The following GABPB1 variants were observed in gnomAD, a reference collection of about 807,000 sequenced individuals.
GABPB1 encodes GA-binding protein subunit beta-1.
A neutral mutation model predicts 45.9 loss-of-function variants in GABPB1; 15 were observed. The observed-to-expected ratio is 0.33, with a 90% CI of 0.22 to 0.50. The LOEUF (loss-of-function observed/expected upper bound fraction) is 0.50. Ranked by LOEUF, GABPB1 falls within the 20% of genes least tolerant of loss-of-function variation. The pLI, the probability that GABPB1 is intolerant of heterozygous loss-of-function variation, is 0.98. For missense variants in GABPB1, 252 were observed against 457.5 expected (o/e 0.55, Z 4.10); for synonymous variants, 143 against 154.4 (o/e 0.93, Z 0.55).
intron 8 of GABPB1, among the ~76,000 whole-genome samples, chr15:50,282,826 G>A (rs956077011): frequency 1.3e-5 from 2 of 152,084 alleles, no homozygotes; most frequent in East Asian, 1.9e-4. Flanking sequence ...GGGCTGAAGC[G>A]GATGGATCAC....
At chr15:50,317,404 C>CA (rs1387965964) in intron 1 of GABPB1, among the ~76,000 whole-genome samples, 2,674 of 64,992 alleles carry the variant, frequency 0.041, 86 homozygotes, top group African/African-American at 0.12. Context: ...AACTCCGTCT[C>CA]AAAAAAAAAA....
At chr15:50,306,034 G>C (rs1293661618) in intron 2 of GABPB1, among the ~76,000 whole-genome samples, 1 of 151,950 alleles carries the variant, frequency 6.6e-6, no homozygotes, top group Non-Finnish European at 1.5e-5. Flanking sequence ...GAATGCAGTG[G>C]AGCTATCGTA....
At chr15:50,278,830 A>G (rs763095596) in intron 8 of GABPB1, 46 bp from the exon 9 acceptor site, 28 of 1,482,818 alleles carry the variant, frequency 1.9e-5, no homozygotes, top group South Asian at 2.5e-5. Context: ...GCAAAAATAC[A>G]TTATTAATAC....
intron 7 of GABPB1, among the ~76,000 whole-genome samples, chr15:50,289,131 G>A (rs1347474313): frequency 1.3e-5 from 2 of 152,144 alleles, no homozygotes; most frequent in Non-Finnish European, 2.9e-5. Context: ...GGAAACTACT[G>A]TCCAATGCTG....
intron 1 of GABPB1, among the ~76,000 whole-genome samples, chr15:50,325,957 G>C (rs1420957294): frequency 3.3e-5 from 5 of 150,582 alleles, no homozygotes; most frequent in African/African-American, 4.9e-5. Flanking sequence ...GCCCAGGCTG[G>C]AGTGCAATGG....
At chr15:50,354,120 G>A (rs997138413) in intron 1 of GABPB1, 9 of 302,810 alleles carry the variant, frequency 3.0e-5, no homozygotes, top group African/African-American at 2.1e-4. Flanking sequence ...TTGAGGCTAG[G>A]CACGCTGATT....
At chr15:50,282,505 G>A (rs1039232353) in intron 8 of GABPB1, 3 of 249,030 alleles carry the variant, frequency 1.2e-5, no homozygotes, top group African/African-American at 7.7e-5. Flanking sequence ...AGTGAGCCAT[G>A]ATTGCACCAC....
chr15:50,341,331 G>A (rs1000966528), intron 1 of GABPB1, among the ~76,000 whole-genome samples: 2 of 151,994 alleles, frequency 1.3e-5, no homozygotes, highest in African/African-American at 4.8e-5. Context: ...GTCGGAGTTC[G>A]AGACGAGCCT....
At chr15:50,288,536 A>T (rs2140983569) in intron 7 of GABPB1, among the ~76,000 whole-genome samples, 1 of 152,238 alleles carries the variant, frequency 6.6e-6, no homozygotes, top group South Asian at 2.1e-4. Context: ...CTTCTGAGAG[A>T]GCATGTTTAT....
intron 6 of GABPB1, among the ~76,000 whole-genome samples, chr15:50,295,987 G>A (rs1369003154): frequency 2.6e-5 from 4 of 152,154 alleles, no homozygotes; most frequent in African/African-American, 9.7e-5. Context: ...TGTGGTATAT[G>A]TCAAAAATGG....
chr15:50,326,155 C>T (rs1416282618), intron 1 of GABPB1, among the ~76,000 whole-genome samples: 1 of 151,956 alleles, frequency 6.6e-6, no homozygotes, highest in African/African-American at 2.4e-5. Flanking sequence ...GATCCACCCA[C>T]CTCGGCCTCC....
chr15:50,323,035 A>T (rs1386692798), intron 1 of GABPB1, among the ~76,000 whole-genome samples: 1 of 152,182 alleles, frequency 6.6e-6, no homozygotes, highest in Admixed American at 6.5e-5. Context: ...GTCTCCAAAA[A>T]TAATCATAAT....
At chr15:50,301,170 T>C (rs767029478) in intron 5 of GABPB1, 87 bp downstream of exon 5, 1 of 1,533,316 alleles carries the variant, frequency 6.5e-7, no homozygotes, top group Non-Finnish European at 8.9e-7. Flanking sequence ...CAAGGATGAA[T>C]ACCTACTAAA....
chr15:50,288,455 G>A (rs990926963), intron 7 of GABPB1, among the ~76,000 whole-genome samples: 4 of 152,170 alleles, frequency 2.6e-5, no homozygotes, highest in African/African-American at 9.6e-5. Context: ...GCTTCTCTCT[G>A]CCTCAGTATT....
At chr15:50,319,571 C>T (rs1425842457) in intron 1 of GABPB1, among the ~76,000 whole-genome samples, 1 of 152,216 alleles carries the variant, frequency 6.6e-6, no homozygotes, top group Non-Finnish European at 1.5e-5. Context: ...GGCACAGTGG[C>T]TCATGCCTAT....
chr15:50,340,282 GTT>G, intron 1 of GABPB1, among the ~76,000 whole-genome samples: 1 of 152,098 alleles, frequency 6.6e-6, no homozygotes, highest in Non-Finnish European at 1.5e-5. Flanking sequence ...TAAGTCACTA[GTT>G]TATATTTTGT....
intron 8 of GABPB1, among the ~76,000 whole-genome samples, chr15:50,279,871 G>A (rs1005224894): frequency 2.0e-5 from 3 of 152,134 alleles, no homozygotes; most frequent in African/African-American, 7.2e-5. Flanking sequence ...CACTGGGGAG[G>A]CACAGTATGA....
chr15:50,352,763 G>C (rs960958338), intron 1 of GABPB1: 1 of 152,204 alleles, frequency 6.6e-6, no homozygotes, highest in African/African-American at 2.4e-5. Context: ...GAACAGTAGA[G>C]AACTATAGAC....
At position 50,276,200 on chromosome 15, in the gene GABPB1, T is replaced by C. The variant is rs564633239; in HGVS notation, c.*2432A>G. On this transcript the variant is annotated 3_prime_UTR_variant, in exon 9 of 9. Coordinates refer to ENST00000380877, the MANE Select transcript of GABPB1 (RefSeq NM_016654.5). The stretch of plus-strand genomic sequence containing the variant: ...CATCACTATGTAGTGGAAACAATTA[T>C]GTGGATTTCTGAAAACTTTTATTTC... 3 of 152,360 alleles carry C rather than the reference T, an allele frequency of 2.0e-5. No homozygotes were observed. The highest frequency in any genetic ancestry group is 4.4e-5 in the Non-Finnish European group (3 of 68,032). The allele number at this position is 152,360 out of a possible 1,614,324, so 9.4% of individuals were successfully genotyped here.
Sources: gnomAD v4.1 joint callset for allele counts (sites outside exome capture counted in the v4.1 genomes callset) on GRCh38, gnomAD v4.1.1 for gene constraint, MANE v1.5 for transcripts, NCBI Gene and HGNC (gene_info 2026-07-23, HGNC 2026-07-21) for gene names.